The following RAPGEF4 variants were observed in gnomAD, a reference collection of about 807,000 sequenced individuals.
RAPGEF4 encodes the protein RAP guanine-nucleotide-exchange factor (GEF) 4.
Under a neutral mutation model 147.9 loss-of-function variants are expected in RAPGEF4, and 66 were observed. That is an observed-to-expected ratio of 0.45 (90% CI 0.37 to 0.55). RAPGEF4 has a LOEUF of 0.55. RAPGEF4 is among the 20% of genes least tolerant of loss of function. The probability of loss-of-function intolerance (pLI) is 0.00; values close to 1 mark genes in which losing one functional copy is unlikely to be tolerated. For synonymous variants in RAPGEF4, 419 were observed against 442.7 expected (o/e 0.95, Z 0.67); for missense variants, 1,071 against 1,257.3 (o/e 0.85, Z 2.24).
chr2:172,960,466 G>A (rs747326485), intron 6 of RAPGEF4, among the ~76,000 whole-genome samples: 10 of 152,002 alleles, frequency 6.6e-5, no homozygotes, highest in Admixed American at 4.6e-4. Flanking sequence ...GTTAGGCTCT[G>A]AATAGATATT....
intron 6 of RAPGEF4, among the ~76,000 whole-genome samples, chr2:172,931,225 CA>C (rs1336961044): frequency 2.2e-5 from 3 of 133,886 alleles, no homozygotes; most frequent in Non-Finnish European, 4.8e-5. Flanking sequence ...GAGGGGATTC[CA>C]AAACTCGACA....
At chr2:172,894,306 A>G (rs1049024462) in intron 4 of RAPGEF4, 2 of 152,216 alleles carry the variant, frequency 1.3e-5, no homozygotes, top group African/African-American at 4.8e-5. Context: ...CAGCTTCATC[A>G]TGGACGCTGT....
At chr2:172,890,785 A>G (rs1055128355) in intron 4 of RAPGEF4, among the ~76,000 whole-genome samples, 1 of 152,230 alleles carries the variant, frequency 6.6e-6, no homozygotes, top group African/African-American at 2.4e-5. Flanking sequence ...CACTGGATAC[A>G]TAATATGTGG....
chr2:172,775,590 G>T (rs961598184), intron 1 of RAPGEF4, among the ~76,000 whole-genome samples: 2 of 152,084 alleles, frequency 1.3e-5, no homozygotes, highest in African/African-American at 2.4e-5. Context: ...CACACTGAAG[G>T]GTGTACCGGA....
chr2:173,018,610 A>G, intron 21 of RAPGEF4, 46 bp from the exon 22 acceptor site: 2 of 1,550,760 alleles, frequency 1.3e-6, no homozygotes, highest in Non-Finnish European at 8.7e-7. Flanking sequence ...AGTTTTATTG[A>G]AAACTCTTAA....
At chr2:172,868,790 A>G (rs950362728) in intron 4 of RAPGEF4, among the ~76,000 whole-genome samples, 4 of 152,210 alleles carry the variant, frequency 2.6e-5, no homozygotes, top group South Asian at 4.1e-4. Context: ...TTGTAAAGAT[A>G]TGAGGTTTAT....
At chr2:172,875,770 C>A (rs7607344) in intron 4 of RAPGEF4, among the ~76,000 whole-genome samples, 8 of 152,310 alleles carry the variant, frequency 5.3e-5, no homozygotes, top group African/African-American at 1.9e-4. Flanking sequence ...TTTTTTCCAA[C>A]TCAGTGAAGA....
intron 30 of RAPGEF4, among the ~76,000 whole-genome samples, chr2:173,050,563 G>C (rs1192200546): frequency 6.6e-6 from 1 of 152,150 alleles, no homozygotes; most frequent in Non-Finnish European, 1.5e-5. Context: ...CCGGTCAGGA[G>C]CCAGGGTCTG....
chr2:172,978,495 T>C (rs1691332351), intron 10 of RAPGEF4, among the ~76,000 whole-genome samples: 1 of 152,232 alleles, frequency 6.6e-6, no homozygotes, highest in South Asian at 2.1e-4. Context: ...CTGGGGCGTC[T>C]GTCTTAGAGA....
At chr2:172,816,917 A>G (rs1020842155) in intron 4 of RAPGEF4, among the ~76,000 whole-genome samples, 4 of 152,186 alleles carry the variant, frequency 2.6e-5, no homozygotes, top group African/African-American at 7.2e-5. Flanking sequence ...TAGATGCTCA[A>G]TCAATGTTTT....
chr2:172,902,298 T>TATTG (rs1699152646), intron 4 of RAPGEF4, among the ~76,000 whole-genome samples: 1 of 150,674 alleles, frequency 6.6e-6, no homozygotes, highest in African/African-American at 2.4e-5. Context: ...GGATCTTCTT[T>TATTG]ATTTATTTAT....
Position 173,033,961 on chromosome 2 carries a change from A to G in RAPGEF4, c.2697A>G (p.Leu899=), listed in dbSNP as rs1339427966. 6.2e-7 allele frequency: 1 copy of G among 1,612,052 alleles called. No homozygotes were observed. The highest frequency in any genetic ancestry group is 8.5e-7 in the Non-Finnish European group (1 of 1,179,284). ...FKKFYAEFES[L]MDPSRNHRAY... ...AGTTCTATGCGGAGTTTGAAAGTTTAATGGTAAGTGACAGTGGCTTCTTTA... is the reference window on the plus strand; with the variant it reads ...AGTTCTATGCGGAGTTTGAAAGTTTGATGGTAAGTGACAGTGGCTTCTTTA... Residue 899 remains leucine, a synonymous_variant, in exon 27 of 31, where the codon TTA becomes TTG. Coordinates refer to ENST00000397081, the MANE Select transcript of RAPGEF4 (RefSeq NM_007023.4).
chr2:172,892,219 T>G (rs1698003686), intron 4 of RAPGEF4, among the ~76,000 whole-genome samples: 2 of 152,184 alleles, frequency 1.3e-5, no homozygotes, highest in Admixed American at 1.3e-4. Flanking sequence ...GTCCCTGAGG[T>G]CCAGCTAGGA....
At chr2:173,035,768 T>C (rs1683916665) in intron 27 of RAPGEF4, among the ~76,000 whole-genome samples, 1 of 152,206 alleles carries the variant, frequency 6.6e-6, no homozygotes, top group Admixed American at 6.5e-5. Context: ...TATGTATTAT[T>C]ATGTACTATA....
intron 16 of RAPGEF4, 100 bp from the exon 17 acceptor site, chr2:173,001,166 T>A: frequency 2.6e-6 from 4 of 1,542,654 alleles, no homozygotes; most frequent in Non-Finnish European, 3.5e-6. Flanking sequence ...CAAACCAATG[T>A]GTTAGAACCA....
chr2:172,991,058 A>G (rs1692783567), intron 15 of RAPGEF4, 133 bp downstream of exon 15: 1 of 660,992 alleles, frequency 1.5e-6, no homozygotes, highest in Non-Finnish European at 2.7e-6. Flanking sequence ...CTCTCTATTG[A>G]CTAATCACAC....
At chr2:172,744,471 T>C (rs571424145) in intron 1 of RAPGEF4, 232 of 454,566 alleles carry the variant, frequency 5.1e-4, no homozygotes, top group Middle Eastern at 1.3e-3. Context: ...AGAGAGAAAA[T>C]GTAGTGTAGA....
In RAPGEF4 at chr2:172,814,408, T is replaced by A; in HGVS notation, c.427T>A (p.Phe143Ile). The change falls in exon 4 of 31, where the codon TTC becomes ATC. Residue 143 changes from phenylalanine to isoleucine, a missense_variant. By Grantham distance (21) the Phe-to-Ile change is conservative. Transcript: ENST00000397081. Reference sequence around the variant, plus strand: ...ACTGCTCCGCATCGAGCAGAAGGACTTCAAGGCACTATGGGAGGTGAGCCC... The same window carrying A: ...ACTGCTCCGCATCGAGCAGAAGGACATCAAGGCACTATGGGAGGTGAGCCC... ...SELLRIEQKD[F>I]KALWEKYRQY... The A allele has an allele frequency of 6.2e-7, 1 of 1,614,156 alleles. No individual in the cohort carries two copies. The highest frequency in any genetic ancestry group is 8.5e-7 in the Non-Finnish European group (1 of 1,180,016).
chr2:172,773,646 C>A (rs190929317), intron 1 of RAPGEF4, among the ~76,000 whole-genome samples: 2,276 of 151,606 alleles, frequency 0.015, 65 homozygotes, highest in African/African-American at 0.053. Flanking sequence ...CCCACACTGC[C>A]CCCCCCGCGG....
Sources: allele counts gnomAD v4.1 joint callset (sites outside exome capture counted in the v4.1 genomes callset), GRCh38; gene constraint gnomAD v4.1.1; transcripts MANE v1.5; gene names NCBI Gene and HGNC (gene_info 2026-07-23, HGNC 2026-07-21).